The following PGAP1 variants were observed in gnomAD, a reference collection of about 807,000 sequenced individuals.
The protein encoded by PGAP1 is post-GPI attachment to proteins inositol deacylase 1, also known as GPI inositol-deacylase.
PGAP1 carries 76 observed loss-of-function variants against 127.0 expected under a neutral mutation model. That is an observed-to-expected ratio of 0.60 (90% CI 0.50 to 0.72). The LOEUF (loss-of-function observed/expected upper bound fraction) is 0.72. PGAP1 is among the 30% of genes least tolerant of loss of function. The probability of loss-of-function intolerance (pLI) is 0.00; values close to 1 mark genes in which losing one functional copy is unlikely to be tolerated. For missense variants in PGAP1, 982 were observed against 1,071.3 expected, an observed-to-expected ratio of 0.92 and a Z score of 1.16; for synonymous variants, 362 against 366.5, an observed-to-expected ratio of 0.99 and a Z score of 0.14.
chr2:196,901,621 T>A (rs947387826), intron 5 of PGAP1, among the ~76,000 whole-genome samples: 1 of 152,192 alleles, frequency 6.6e-6, no homozygotes, highest in African/African-American at 2.4e-5. Context: ...TAAATACACA[T>A]GAAAGAAGTC....
At position 196,922,333 on chromosome 2, in the gene PGAP1, A is replaced by G. The variant is rs916438669; in HGVS notation, c.148-2183T>C. 4 of 1,146,068 alleles carry G rather than the reference A, an allele frequency of 3.5e-6. No individual in the cohort carries two copies. In the African/African-American group the frequency reaches 6.6e-5, roughly 19 times the overall value. 71.0% of individuals were successfully genotyped at this position (1,146,068 alleles called of 1,614,324 possible). A position where few individuals can be genotyped will look rare whatever the true frequency, so the allele number is the denominator to read the frequency against. The stretch of plus-strand genomic sequence containing the variant: ...AAGTTTTATTTCCATAACTAACCAA[A>G]AAGAAAAAAGATTTTGATCTAGATG... On this transcript the variant is annotated intron_variant, in intron 1 of 26. Coordinates refer to ENST00000354764, the MANE Select transcript of PGAP1 (RefSeq NM_024989.4).
At chr2:196,899,793 G>A (rs1330955750) in intron 5 of PGAP1, among the ~76,000 whole-genome samples, 2 of 152,108 alleles carry the variant, frequency 1.3e-5, no homozygotes, top group East Asian at 3.9e-4. Context: ...CAACACTGTG[G>A]GAGGCCGAGG....
chr2:196,922,171 C>T, intron 1 of PGAP1: 1 of 1,298,474 alleles, frequency 7.7e-7, no homozygotes. Context: ...TGCCTTAGTT[C>T]AGGTTCTTCT....
intron 12 of PGAP1, among the ~76,000 whole-genome samples, chr2:196,884,667 G>C (rs1455487690): frequency 6.6e-6 from 1 of 152,094 alleles, no homozygotes; most frequent in African/African-American, 2.4e-5. Flanking sequence ...GAAACCACCA[G>C]ATGATTTCAC....
At chr2:196,901,256 A>C (rs923181351) in intron 5 of PGAP1, among the ~76,000 whole-genome samples, 1 of 152,220 alleles carries the variant, frequency 6.6e-6, no homozygotes, top group Admixed American at 6.5e-5. Context: ...AGTTTTACTA[A>C]TTTAGTTCCA....
chr2:196,905,609 G>A (rs1178750287), intron 4 of PGAP1, among the ~76,000 whole-genome samples: 2 of 152,108 alleles, frequency 1.3e-5, no homozygotes, highest in South Asian at 2.1e-4. Context: ...CAAGATGGCC[G>A]AATAGGAACA....
intron 4 of PGAP1, among the ~76,000 whole-genome samples, chr2:196,904,681 T>C (rs1702630131): frequency 6.6e-6 from 1 of 152,114 alleles, no homozygotes; most frequent in African/African-American, 2.4e-5. Flanking sequence ...TGAGCCGAGA[T>C]TGCGCCACTG....
At chr2:196,882,724 G>A (rs1300384069) in intron 12 of PGAP1, among the ~76,000 whole-genome samples, 1 of 152,160 alleles carries the variant, frequency 6.6e-6, no homozygotes, top group Non-Finnish European at 1.5e-5. Flanking sequence ...ATTTGCTGAA[G>A]TTGCTTATCA....
intron 1 of PGAP1, among the ~76,000 whole-genome samples, chr2:196,923,836 C>T (rs1054747493): frequency 1.3e-5 from 2 of 152,016 alleles, no homozygotes; most frequent in Non-Finnish European, 2.9e-5. Flanking sequence ...AGAGAGCAAC[C>T]GTTAGGTTAC....
chr2:196,892,838 T>C (rs79927109), intron 8 of PGAP1, among the ~76,000 whole-genome samples: 1,545 of 152,234 alleles, frequency 0.01, 24 homozygotes, highest in African/African-American at 0.035. Flanking sequence ...AAGAATAATA[T>C]GGCACTTAGT....
At chr2:196,842,521 G>GAA (rs200071090) in intron 26 of PGAP1, among the ~76,000 whole-genome samples, 200 bp downstream of exon 26, 5 of 148,886 alleles carry the variant, frequency 3.4e-5, no homozygotes, top group Non-Finnish European at 6.0e-5. Flanking sequence ...ACTTCATAAA[G>GAA]AAAAAAAAAC....
At chr2:196,869,037 T>C (rs564633803) in intron 19 of PGAP1, among the ~76,000 whole-genome samples, 2 of 152,320 alleles carry the variant, frequency 1.3e-5, no homozygotes, top group South Asian at 2.1e-4. Context: ...AATTCTTTAA[T>C]TGACATTTTA....
At chr2:196,859,957 G>A (rs569402294) in intron 20 of PGAP1, among the ~76,000 whole-genome samples, 14 of 151,862 alleles carry the variant, frequency 9.2e-5, no homozygotes, top group Non-Finnish European at 1.9e-4. Flanking sequence ...TAAATAAGAC[G>A]AGAATGTCTG....
intron 16 of PGAP1, 131 bp from the exon 17 acceptor site, chr2:196,873,157 A>G (rs957095325): frequency 6.5e-6 from 3 of 459,540 alleles, no homozygotes; most frequent in African/African-American, 6.2e-5. Flanking sequence ...ATATTACATG[A>G]TAAAAAATTA....
intron 13 of PGAP1, among the ~76,000 whole-genome samples, chr2:196,876,365 C>T (rs1173797934): frequency 6.6e-6 from 1 of 152,024 alleles, no homozygotes; most frequent in Admixed American, 6.6e-5. Context: ...TCAGGTTAAA[C>T]AGTTATCACA....
At chr2:196,900,377 G>T (rs761935609) in intron 5 of PGAP1, among the ~76,000 whole-genome samples, 8 of 152,102 alleles carry the variant, frequency 5.3e-5, no homozygotes, top group Non-Finnish European at 1.2e-4. Context: ...ATACAATTAT[G>T]GTCTCTAACT....
At chr2:196,851,405 C>G (rs1387117525) in intron 20 of PGAP1, among the ~76,000 whole-genome samples, 1 of 152,158 alleles carries the variant, frequency 6.6e-6, no homozygotes, top group Non-Finnish European at 1.5e-5. Context: ...TCCTTATAGG[C>G]AAGGATAATT....
chr2:196,919,659 T>C (rs1169483906), intron 2 of PGAP1, among the ~76,000 whole-genome samples: 1 of 152,174 alleles, frequency 6.6e-6, no homozygotes, highest in East Asian at 1.9e-4. Flanking sequence ...TAATCAATGC[T>C]TAAGGTTCTG....
chr2:196,836,077 CACTA>C lies in PGAP1; in HGVS notation c.*5153_*5156del, dbSNP rs1700228667. 6.6e-6 allele frequency: 1 copy of C among 152,198 alleles called. No individual in the cohort carries two copies. Among genetic ancestry groups the C allele is most frequent in the African/African-American group, 2.4e-5 (1 of 41,448 alleles). The allele number at this position is 152,198 out of a possible 1,614,324, so 9.4% of individuals were successfully genotyped here. On this transcript the variant is annotated 3_prime_UTR_variant, in exon 27 of 27. Transcript: ENST00000354764. ...GAATTCAAATACGCAAACAAATCTA[CACTA>C]ACTAATCAAAACACACCAACAGATA...
Sources: allele counts gnomAD v4.1 joint callset (sites outside exome capture counted in the v4.1 genomes callset), GRCh38; gene constraint gnomAD v4.1.1; transcripts MANE v1.5; gene names NCBI Gene and HGNC (gene_info 2026-07-23, HGNC 2026-07-21).